The following TRPC6 variants were observed in gnomAD, a reference collection of about 807,000 sequenced individuals.
TRPC6 encodes short transient receptor potential channel 6.
A neutral mutation model predicts 90.7 loss-of-function variants in TRPC6; 55 were observed. That is an observed-to-expected ratio of 0.61 (90% CI 0.49 to 0.76). TRPC6 has a LOEUF of 0.76. TRPC6 is among the 30% of genes least tolerant of loss of function. The pLI is 0.00. For missense variants in TRPC6, 989 were observed against 1,122.7 expected, an observed-to-expected ratio of 0.88 and a Z score of 1.70; for synonymous variants, 393 against 393.0, an observed-to-expected ratio of 1.00 and a Z score of 0.00.
At chr11:101,528,341 A>T (rs1860830362) in intron 1 of TRPC6, among the ~76,000 whole-genome samples, 1 of 152,182 alleles carries the variant, frequency 6.6e-6, no homozygotes, top group African/African-American at 2.4e-5. Flanking sequence ...ATACGGGAAG[A>T]GTTTTCAATC....
At chr11:101,560,688 T>C (rs1268789667) in intron 1 of TRPC6, among the ~76,000 whole-genome samples, 1 of 151,962 alleles carries the variant, frequency 6.6e-6, no homozygotes, top group Non-Finnish European at 1.5e-5. Flanking sequence ...CAGAACATTA[T>C]GAGAGCTCTG....
In TRPC6 at chr11:101,479,029, C is replaced by T. The variant is rs570296001; in HGVS notation, c.1511-2495G>A. On this transcript the variant is annotated intron_variant, in intron 5 of 12. Coordinates refer to ENST00000344327, the MANE Select transcript of TRPC6 (RefSeq NM_004621.6). ...TTGTCTTCTTTTTCACTAAATGGGG[C>T]CCTCTGAATAAACAAGCCTCAGATT... 6.1e-4 allele frequency among the ~76,000 whole-genome samples: 93 copies of T among 152,224 alleles called. 1 individual carries two copies. Among genetic ancestry groups the T allele is most frequent in the Non-Finnish European group, 7.4e-5 (5 of 68,022 alleles).
intron 10 of TRPC6, 120 bp downstream of exon 10, chr11:101,469,307 T>G (rs1859229588): frequency 1.5e-6 from 1 of 651,002 alleles, no homozygotes; most frequent in East Asian, 2.8e-5. Context: ...GTTAAAATAG[T>G]TGAATTATTT....
intron 1 of TRPC6, among the ~76,000 whole-genome samples, chr11:101,577,235 G>A (rs372741867): frequency 2.8e-4 from 43 of 152,010 alleles, no homozygotes; most frequent in East Asian, 1.7e-3. Context: ...TTCTTTCTGC[G>A]TTCTAGACCA....
intron 1 of TRPC6, among the ~76,000 whole-genome samples, chr11:101,520,510 G>C (rs1042796517): frequency 2.0e-5 from 3 of 152,192 alleles, no homozygotes; most frequent in African/African-American, 7.2e-5. Flanking sequence ...CCAGGTAATG[G>C]ACAGAGGTTG....
intron 1 of TRPC6, among the ~76,000 whole-genome samples, chr11:101,562,929 T>C (rs1222770679): frequency 6.6e-6 from 1 of 152,204 alleles, no homozygotes; most frequent in Admixed American, 6.5e-5. Context: ...AATGGATTCC[T>C]ACGTGTAAAA....
chr11:101,473,538 A>C lies in TRPC6; in HGVS notation c.1980T>G (p.Ile660Met). The C allele has an allele frequency of 6.2e-7, 1 of 1,613,520 alleles. No homozygotes were observed. Among genetic ancestry groups the C allele is most frequent in the Non-Finnish European group, 8.5e-7 (1 of 1,179,630 alleles). Residue 660 changes from isoleucine to methionine, a missense_variant, in exon 7 of 13, where the codon ATT (isoleucine) becomes ATG (methionine). Physicochemically the swap from Ile to Met is conservative, Grantham distance 10. This residue lies in a region of TRPC6 where 118 missense variants were observed against 197.6 expected (regional missense o/e 0.60). Transcript: ENST00000344327. ...IGMFNLYSYY[I>M]GAKQNEAFTT... ...TGAAGGCTTCATTTTGTTTTGCACC[A>C]ATGTAGTAGGAGTAGAGATTGAACA...
chr11:101,550,719 T>TA (rs1426912232), intron 1 of TRPC6, among the ~76,000 whole-genome samples: 1 of 151,658 alleles, frequency 6.6e-6, no homozygotes, highest in Non-Finnish European at 1.5e-5. Context: ...ACAGATTAAG[T>TA]AAAAAATACA....
intron 2 of TRPC6, among the ~76,000 whole-genome samples, chr11:101,495,005 T>C (rs1210005026): frequency 6.6e-6 from 1 of 152,232 alleles, no homozygotes; most frequent in Non-Finnish European, 1.5e-5. Context: ...TGGTAGCTCA[T>C]TAGCCAGAAT....
intron 10 of TRPC6, among the ~76,000 whole-genome samples, chr11:101,463,545 A>T (rs2136654288): frequency 6.6e-6 from 1 of 152,220 alleles, no homozygotes; most frequent in South Asian, 2.1e-4. Context: ...GAGAGGGTGT[A>T]TGTGTCCAGG....
chr11:101,462,372 T>C (rs1324522480), intron 10 of TRPC6, among the ~76,000 whole-genome samples: 1 of 152,210 alleles, frequency 6.6e-6, no homozygotes, highest in East Asian at 1.9e-4. Context: ...TTGACGAGGA[T>C]AGCATTGAAT....
At chr11:101,494,205 C>T (rs1313241334) in intron 2 of TRPC6, among the ~76,000 whole-genome samples, 2 of 152,088 alleles carry the variant, frequency 1.3e-5, no homozygotes, top group South Asian at 2.1e-4. Flanking sequence ...ATAGTAGTTA[C>T]GACTTGGTAG....
At chr11:101,524,595 T>C (rs550947832) in intron 1 of TRPC6, among the ~76,000 whole-genome samples, 3 of 152,390 alleles carry the variant, frequency 2.0e-5, no homozygotes, top group African/African-American at 7.2e-5. Flanking sequence ...AATGTAATTC[T>C]ACCGTTAAAT....
intron 1 of TRPC6, among the ~76,000 whole-genome samples, chr11:101,571,411 A>G (rs900447495): frequency 9.2e-5 from 14 of 152,134 alleles, no homozygotes; most frequent in South Asian, 2.1e-4. Context: ...TCATGGACAG[A>G]AAGAATCAAT....
At chr11:101,457,300 T>C (rs187732447) in intron 10 of TRPC6, among the ~76,000 whole-genome samples, 15 of 152,314 alleles carry the variant, frequency 9.8e-5, no homozygotes, top group African/African-American at 3.4e-4. Context: ...TAATACCTTC[T>C]ACCACATTTT....
intron 4 of TRPC6, among the ~76,000 whole-genome samples, chr11:101,485,484 G>A (rs1394013803): frequency 6.6e-6 from 1 of 151,634 alleles, no homozygotes; most frequent in Non-Finnish European, 1.5e-5. Flanking sequence ...AATGTTTTAT[G>A]TATGATTTAT....
At chr11:101,472,053 A>C in intron 8 of TRPC6, 84 bp downstream of exon 8, 2 of 1,352,538 alleles carry the variant, frequency 1.5e-6, no homozygotes, top group Non-Finnish European at 2.1e-6. Context: ...AGAGCAGTCC[A>C]TGCTTTCATC....
chr11:101,504,924 C>T, intron 1 of TRPC6, 126 bp from the exon 2 acceptor site: 1 of 1,084,062 alleles, frequency 9.2e-7, no homozygotes, highest in Non-Finnish European at 1.3e-6. Context: ...TCTAGACCTA[C>T]TATATTATAA....
At chr11:101,554,588 C>T (rs1861520851) in intron 1 of TRPC6, among the ~76,000 whole-genome samples, 2 of 151,980 alleles carry the variant, frequency 1.3e-5, no homozygotes, top group South Asian at 4.2e-4. Context: ...AGTGCCCTGG[C>T]CAGTTTCAGG....
Sources: allele counts gnomAD v4.1 joint callset (sites outside exome capture counted in the v4.1 genomes callset), GRCh38; gene constraint gnomAD v4.1.1; regional missense constraint gnomAD v4.1.1; transcripts MANE v1.5; gene names NCBI Gene and HGNC (gene_info 2026-07-23, HGNC 2026-07-21).